Variants in GPCPD1 observed in about 807,000 individuals in gnomAD.
GPCPD1 encodes the protein glycerophosphocholine phosphodiesterase 1.
Under a neutral mutation model 89.2 loss-of-function variants are expected in GPCPD1, and 29 were observed. That is an observed-to-expected ratio of 0.33 (90% CI 0.24 to 0.44). The LOEUF is 0.44. GPCPD1 is among the 20% of genes least tolerant of loss of function. The pLI is 1.00. For synonymous variants in GPCPD1, 258 were observed against 266.3 expected, an observed-to-expected ratio of 0.97 and a Z score of 0.30; for missense variants, 594 against 808.9, an observed-to-expected ratio of 0.73 and a Z score of 3.22.
chr20:5,584,509 C>T (rs533328008), intron 5 of GPCPD1, 187 bp from the exon 6 acceptor site: 141 of 422,474 alleles, frequency 3.3e-4, no homozygotes, highest in African/African-American at 2.7e-3. Context: ...GGCTAGCAAA[C>T]AGTAATGGTT....
At chr20:5,565,935 CT>C (rs1297659456) in intron 14 of GPCPD1, among the ~76,000 whole-genome samples, 2 of 151,944 alleles carry the variant, frequency 1.3e-5, no homozygotes, top group African/African-American at 4.8e-5. Flanking sequence ...CATACAAAAC[CT>C]GTATTACAAA....
At chr20:5,595,808 G>GT (rs1018882344) in intron 3 of GPCPD1, among the ~76,000 whole-genome samples, 5 of 150,938 alleles carry the variant, frequency 3.3e-5, no homozygotes, top group African/African-American at 4.9e-5. Flanking sequence ...AGAAAAAAAG[G>GT]GGGGGGGACA....
Position 5,561,546 on chromosome 20 carries a change from T to C in GPCPD1, c.1330-16A>G. On this transcript the variant is annotated splice_polypyrimidine_tract_variant and intron_variant, in intron 15 of 19. Coordinates refer to ENST00000379019, the MANE Select transcript of GPCPD1 (RefSeq NM_019593.5). ...ACTCTAAAACCTACAGTTTTGTTTG[T>C]TGGTAAATTTTGTTTTTGATGAGAT... 4 of 1,517,314 alleles carry C rather than the reference T, an allele frequency of 2.6e-6. No individual in the cohort carries two copies. Among genetic ancestry groups the C allele is most frequent in the Non-Finnish European group, 3.6e-6 (4 of 1,097,528 alleles). 94.0% of individuals were successfully genotyped at this position (1,517,314 alleles called of 1,614,324 possible).
intron 10 of GPCPD1, among the ~76,000 whole-genome samples, chr20:5,574,726 T>C (rs1978285600): frequency 1.3e-5 from 2 of 152,084 alleles, no homozygotes; most frequent in Admixed American, 1.3e-4. Context: ...CGACAGAGAC[T>C]CTGTCTCAAA....
chr20:5,595,138 G>T (rs1979621091), intron 3 of GPCPD1, among the ~76,000 whole-genome samples: 1 of 151,982 alleles, frequency 6.6e-6, no homozygotes, highest in African/African-American at 2.4e-5. Context: ...TTCACTAAAG[G>T]CTCAAATGAT....
chr20:5,587,420 G>A (rs1347369505), intron 4 of GPCPD1, among the ~76,000 whole-genome samples: 1 of 151,272 alleles, frequency 6.6e-6, no homozygotes, highest in African/African-American at 2.4e-5. Flanking sequence ...CCAGGCTAAA[G>A]TGCAATGGCA....
rs201953819 is a variant in GPCPD1, at chr20:5,573,086, CT to C, written c.1056+828del. 9.2e-4 allele frequency among the ~76,000 whole-genome samples: 132 copies of C among 144,088 alleles called. 1 individual carries two copies. Among genetic ancestry groups the C allele is most frequent in the Admixed American group, 1.4e-3 (20 of 14,450 alleles). The allele number at this position is 144,088 out of a possible 152,430, so 94.5% of individuals were successfully genotyped here. On this transcript the variant is annotated intron_variant, in intron 11 of 19. Transcript: ENST00000379019. ...TAAAATCACCATCAAATCTTTCCTT[CT>C]TTTTTTTTTTTTGAGACTGAGTCTC...
Position 5,560,019 on chromosome 20 carries a change from T to C in GPCPD1, c.1453A>G (p.Ile485Val), listed in dbSNP as rs1205788696. ...TTTTCTAAAACAGTTTTTAAAATTA[T>C]ATCCAAAAACAGATTCATGTCAAAA... is the stretch of plus-strand genomic sequence containing the variant. The part of the protein sequence containing the change: ...TYFDMNLFLD[I>V]ILKTVLENSG... The change falls in exon 17 of 20, where the codon ATA becomes GTA. Residue 485 changes from isoleucine to valine, a missense_variant. Physicochemically the swap from Ile to Val is conservative, Grantham distance 29 (BLOSUM62 3). Transcript: ENST00000379019. 6.3e-7 allele frequency: 1 copy of C among 1,576,944 alleles called. No homozygotes were observed. Among genetic ancestry groups the C allele is most frequent in the Non-Finnish European group, 8.7e-7 (1 of 1,153,854 alleles).
At chr20:5,554,575 A>C (rs996910307) in intron 19 of GPCPD1, among the ~76,000 whole-genome samples, 1 of 152,226 alleles carries the variant, frequency 6.6e-6, no homozygotes, top group African/African-American at 2.4e-5. Flanking sequence ...GGTTTACTGA[A>C]TATTTTAAGC....
At chr20:5,588,035 TG>T (rs1209781283) in intron 4 of GPCPD1, among the ~76,000 whole-genome samples, 1 of 152,244 alleles carries the variant, frequency 6.6e-6, no homozygotes, top group Non-Finnish European at 1.5e-5. Context: ...ATTGGTAGAC[TG>T]GGTAGATTTT....
At chr20:5,572,223 A>C (rs1986765867) in intron 11 of GPCPD1, among the ~76,000 whole-genome samples, 1 of 152,208 alleles carries the variant, frequency 6.6e-6, no homozygotes, top group Non-Finnish European at 1.5e-5. Context: ...TTTATAGCTA[A>C]TGAAATGATG....
At chr20:5,600,964 TG>T (rs1980092012) in intron 2 of GPCPD1, among the ~76,000 whole-genome samples, 1 of 152,200 alleles carries the variant, frequency 6.6e-6, no homozygotes, top group Admixed American at 6.5e-5. Flanking sequence ...CACTTCAGCT[TG>T]GGTGACAGGG....
chr20:5,560,427 C>A (rs1986021332), intron 16 of GPCPD1, among the ~76,000 whole-genome samples: 1 of 152,202 alleles, frequency 6.6e-6, no homozygotes, highest in Non-Finnish European at 1.5e-5. Flanking sequence ...AAGACACACA[C>A]ATCATCTGCT....
intron 4 of GPCPD1, among the ~76,000 whole-genome samples, 200 bp downstream of exon 4, chr20:5,593,127 T>C (rs538631014): frequency 2.9e-4 from 44 of 152,356 alleles, no homozygotes; most frequent in African/African-American, 9.9e-4. Context: ...ATACTTACTA[T>C]GTCTTTTTAA....
intron 3 of GPCPD1, among the ~76,000 whole-genome samples, chr20:5,597,624 T>A (rs1370032608): frequency 6.6e-6 from 1 of 152,122 alleles, no homozygotes; most frequent in Non-Finnish European, 1.5e-5. Flanking sequence ...CTGGATATAC[T>A]TGTATGCTAT....
chr20:5,560,137 C>A (rs1986006728), intron 16 of GPCPD1, 61 bp from the exon 17 acceptor site: 10 of 1,221,332 alleles, frequency 8.2e-6, no homozygotes, highest in Non-Finnish European at 1.1e-5. Context: ...GCTAGCAACT[C>A]TGTTTTTATT....
chr20:5,568,724 G>A (rs150369189), intron 12 of GPCPD1, among the ~76,000 whole-genome samples: 2,615 of 152,174 alleles, frequency 0.017, 71 homozygotes, highest in African/African-American at 0.06. Flanking sequence ...GGCCAACATG[G>A]TGAAGCCCCG....
chr20:5,598,482 A>T lies in GPCPD1; in HGVS notation c.146+243T>A, dbSNP rs193070887. 4.0e-4 allele frequency among the ~76,000 whole-genome samples: 59 copies of T among 147,802 alleles called. No individual in the cohort carries two copies. In the East Asian group the frequency reaches 0.011, roughly 26 times the overall value. ...TTCAATTATCCTGAGTTGTAAAAAT[A>T]AAAAATACATCTAAAAAAAAAAAAA... On this transcript the variant is annotated intron_variant, in intron 3 of 19. Transcript: ENST00000379019.
At chr20:5,549,531 C>T (rs1000870049) in intron 19 of GPCPD1, 10 of 1,014,498 alleles carry the variant, frequency 9.9e-6, no homozygotes, top group Admixed American at 9.6e-5. Context: ...GAGACCAAGT[C>T]AAGCAATCGA....
Sources: allele counts gnomAD v4.1 joint callset (sites outside exome capture counted in the v4.1 genomes callset), GRCh38; gene constraint gnomAD v4.1.1; transcripts MANE v1.5; gene names NCBI Gene and HGNC (gene_info 2026-07-23, HGNC 2026-07-21).